The following KLRK1 variants were observed in gnomAD, a reference collection of about 807,000 sequenced individuals.
KLRK1 encodes killer cell lectin like receptor K1.
In KLRK1, 40 loss-of-function variants were observed where a neutral mutation model predicts 31.3. The observed-to-expected ratio is 1.28, with a 90% CI of 0.99 to 1.67. The LOEUF (loss-of-function observed/expected upper bound fraction) is 1.67, where lower values mean the gene tolerates loss of function less well. Among genes scored for constraint, KLRK1 ranks in the 40% most tolerant of loss-of-function variants. The pLI is 0.00. For missense variants in KLRK1, 251 were observed against 260.0 expected (o/e 0.97, Z 0.24); for synonymous variants, 77 against 77.3 (o/e 1.00, Z 0.02).
In KLRK1 at chr12:10,373,190, T is replaced by C; in HGVS notation, c.575A>G (p.Tyr192Cys). Residue 192 changes from tyrosine (Y) to cysteine (C), a missense_variant, in exon 8 of 8, where the codon TAT (tyrosine) becomes TGT (cysteine). Coordinates refer to ENST00000240618, the MANE Select transcript of KLRK1 (RefSeq NM_007360.4). ...TATATAGCCTTTAAAGCTCGAGGCA[T>C]AGAGTGCACAGTCTCCCTTCTGCAT... ...IEMQKGDCALYASSFKGYIEN... is the reference protein window; with the variant it reads ...IEMQKGDCALCASSFKGYIEN... The C allele has an allele frequency of 6.2e-7, 1 of 1,611,764 alleles. No individual in the cohort carries two copies. The highest frequency in any genetic ancestry group is 8.5e-7 in the Non-Finnish European group (1 of 1,179,224).
At chr12:10,379,562 G>A in intron 4 of KLRK1, 80 bp from the exon 5 acceptor site, 1 of 1,298,900 alleles carries the variant, frequency 7.7e-7, no homozygotes, top group Non-Finnish European at 1.0e-6. Context: ...ACAAATTTCT[G>A]GACTAATAGC....
chr12:10,383,557 G>GA (rs1863114815), intron 3 of KLRK1, among the ~76,000 whole-genome samples: 1 of 151,984 alleles, frequency 6.6e-6, no homozygotes, highest in Non-Finnish European at 1.5e-5. Flanking sequence ...AAGGGCAGGG[G>GA]AGTTCAACAA....
intron 2 of KLRK1, 151 bp from the exon 3 acceptor site, chr12:10,387,161 A>G (rs1358575805): frequency 1.8e-5 from 10 of 569,030 alleles, no homozygotes; most frequent in Non-Finnish European, 3.1e-5. Context: ...GTTTTATAGT[A>G]CTACATTATT....
chr12:10,378,088 G>C (rs773435650), intron 7 of KLRK1, 44 bp downstream of exon 7: 1 of 1,565,544 alleles, frequency 6.4e-7, no homozygotes, highest in Non-Finnish European at 8.7e-7. Context: ...GGAAAACTTA[G>C]GAAAAAAATT....
intron 7 of KLRK1, among the ~76,000 whole-genome samples, chr12:10,375,334 C>T (rs770343962): frequency 3.7e-4 from 57 of 152,228 alleles, no homozygotes; most frequent in Non-Finnish European, 5.7e-4. Context: ...ATATTTGAGT[C>T]CTCATTGCAA....
In KLRK1 at chr12:10,373,129, C is replaced by T; in HGVS notation, c.636G>A (p.Met212Ile). 6.2e-7 allele frequency: 1 copy of T among 1,612,280 alleles called. No homozygotes were observed. The highest frequency in any genetic ancestry group is 8.5e-7 in the Non-Finnish European group (1 of 1,179,274). Residue 212 changes from methionine (M) to isoleucine (I), a missense_variant, in exon 8 of 8, where the codon ATG becomes ATA. By Grantham distance (10) the Met-to-Ile change is conservative (BLOSUM62 1). Coordinates refer to ENST00000240618, the MANE Select transcript of KLRK1 (RefSeq NM_007360.4). ...TTGATCATCTTTACACAGTCCTTTG[C>T]ATGCAGATGTACGTATTTGGAGTTG... ...NCSTPNTYIC[M>I]QRTV
chr12:10,388,391 T>A (rs768312689), intron 2 of KLRK1, among the ~76,000 whole-genome samples: 25 of 152,306 alleles, frequency 1.6e-4, no homozygotes, highest in Admixed American at 3.3e-4. Flanking sequence ...AAATATGGAA[T>A]GTTTCATGCC....
chr12:10,381,369 C>G (rs1037051540), intron 3 of KLRK1, among the ~76,000 whole-genome samples: 10 of 152,004 alleles, frequency 6.6e-5, no homozygotes, highest in Non-Finnish European at 1.5e-4. Flanking sequence ...AATTCATCAC[C>G]ACTAGACTAG....
Position 10,381,255 on chromosome 12 carries a change from CAA to C in KLRK1, c.149-1465_149-1464del, listed in dbSNP as rs113653501. ...GCATGGGATGATATATTCAAAATGC[CAA>C]AAAAAAAAAATACCTCCTCCCAAAC... On this transcript the variant is annotated intron_variant, in intron 3 of 7. Coordinates refer to ENST00000240618, the MANE Select transcript of KLRK1 (RefSeq NM_007360.4). 2.2e-3 allele frequency among the ~76,000 whole-genome samples: 320 copies of C among 144,652 alleles called. 2 individuals are homozygous for C. The highest frequency in any genetic ancestry group is 7.3e-3 in the African/African-American group (289 of 39,738). The allele number at this position is 144,652 out of a possible 152,430, so 94.9% of individuals were successfully genotyped here. A position where few individuals can be genotyped will look rare whatever the true frequency, so the allele number is the denominator to read the frequency against.
intron 7 of KLRK1, among the ~76,000 whole-genome samples, chr12:10,374,675 G>A (rs995547968): frequency 1.4e-4 from 22 of 152,210 alleles, no homozygotes; most frequent in African/African-American, 3.4e-4. Context: ...CACTGCACCC[G>A]GCCTCATTCT....
chr12:10,380,066 T>G (rs1208421388), intron 3 of KLRK1, among the ~76,000 whole-genome samples: 11 of 134,538 alleles, frequency 8.2e-5, no homozygotes, highest in Non-Finnish European at 1.5e-4. Flanking sequence ...ATTGTTTTTT[T>G]TTTTTTTTTT....
At position 10,378,241 on chromosome 12, in the gene KLRK1, T is replaced by C. The variant is rs1270660597; in HGVS notation, c.430-6A>G. The C allele has an allele frequency of 3.1e-6, 5 of 1,609,658 alleles. No homozygotes were observed. The African/African-American group carries it at 6.7e-5, about 22-fold the overall frequency. On this transcript the variant is annotated splice_polypyrimidine_tract_variant and splice_region_variant and intron_variant, in intron 6 of 7. Transcript: ENST00000240618. ...TTCACCAGTTTAAGTAAATCCTGTT[T>C]GAAACCACAAATAAACTATAAGTAA... is the stretch of plus-strand genomic sequence containing the variant.
At chr12:10,378,790 C>T in intron 5 of KLRK1, 85 bp from the exon 6 acceptor site, 1 of 1,411,824 alleles carries the variant, frequency 7.1e-7, no homozygotes, top group Non-Finnish European at 9.5e-7. Flanking sequence ...GCCTTTTTCA[C>T]TCCAACTCTA....
intron 7 of KLRK1, among the ~76,000 whole-genome samples, chr12:10,374,538 G>C (rs1862928181): frequency 1.3e-5 from 2 of 151,934 alleles, no homozygotes; most frequent in South Asian, 4.1e-4. Flanking sequence ...GGGGTTACAG[G>C]CACTTGCCAC....
At chr12:10,386,382 T>A (rs1339510476) in intron 3 of KLRK1, among the ~76,000 whole-genome samples, 1 of 152,110 alleles carries the variant, frequency 6.6e-6, no homozygotes, top group Admixed American at 6.5e-5. Context: ...AATAATTTGT[T>A]TCTTAGTTTT....
intron 3 of KLRK1, among the ~76,000 whole-genome samples, chr12:10,385,395 C>CACACAG (rs773514923): frequency 6.7e-6 from 1 of 149,664 alleles, no homozygotes; most frequent in Non-Finnish European, 1.5e-5. Flanking sequence ...CACACACACA[C>CACACAG]AGAGGAATAC....
intron 5 of KLRK1, 85 bp from the exon 6 acceptor site, chr12:10,378,790 C>G: frequency 7.1e-7 from 1 of 1,411,824 alleles, no homozygotes; most frequent in Non-Finnish European, 9.5e-7. Context: ...GCCTTTTTCA[C>G]TCCAACTCTA....
chr12:10,380,410 G>C (rs1283781051), intron 3 of KLRK1, among the ~76,000 whole-genome samples: 2 of 152,162 alleles, frequency 1.3e-5, no homozygotes, highest in Non-Finnish European at 2.9e-5. Context: ...CATAAAGAAG[G>C]AGGAAGCATC....
In KLRK1 at chr12:10,388,771, C is replaced by G. The variant is rs1188662956; in HGVS notation, c.40G>C (p.Glu14Gln). 5 of 1,613,506 alleles carry G rather than the reference C, an allele frequency of 3.1e-6. No individual in the cohort carries two copies. The highest frequency in any genetic ancestry group is 4.2e-6 in the Non-Finnish European group (5 of 1,179,804). ...IRGRRSRHSW[E>Q]MSEFHNYNLD... Reference sequence around the variant, plus strand: ...ACACACTTATGTGGTAAAAACATACCCCAGCTGTGTCGAGACCTCCGACCA... The same window carrying G: ...ACACACTTATGTGGTAAAAACATACGCCAGCTGTGTCGAGACCTCCGACCA... Residue 14 changes from glutamate to glutamine, a missense_variant and splice_region_variant, in exon 2 of 8, where the codon GAG becomes CAG. Transcript: ENST00000240618.
Sources: gnomAD v4.1 joint callset for allele counts (sites outside exome capture counted in the v4.1 genomes callset) on GRCh38, gnomAD v4.1.1 for gene constraint, MANE v1.5 for transcripts, NCBI Gene and HGNC (gene_info 2026-07-23, HGNC 2026-07-21) for gene names.